Variants in SCAMP1 observed in about 807,000 individuals in gnomAD.
SCAMP1 encodes the protein secretory carrier membrane protein 1.
A neutral mutation model predicts 41.8 loss-of-function variants in SCAMP1; 15 were observed. That is an observed-to-expected ratio of 0.36 (90% CI 0.24 to 0.55). SCAMP1 has a LOEUF of 0.55. SCAMP1 is among the 20% of genes least tolerant of loss of function. SCAMP1 has a pLI of 0.86. For synonymous variants in SCAMP1, 135 were observed against 136.8 expected (o/e 0.99, Z 0.09); for missense variants, 341 against 412.6 (o/e 0.83, Z 1.50).
intron 6 of SCAMP1, among the ~76,000 whole-genome samples, chr5:78,443,757 C>A (rs1036939647): frequency 6.8e-6 from 1 of 146,388 alleles, no homozygotes; most frequent in Non-Finnish European, 1.5e-5. Context: ...TTTCCAGGCT[C>A]AAATGATCCT....
chr5:78,400,216 C>T (rs530404468), intron 2 of SCAMP1, among the ~76,000 whole-genome samples: 5 of 152,300 alleles, frequency 3.3e-5, no homozygotes, highest in Middle Eastern at 3.4e-3. Flanking sequence ...CCATTCTGTC[C>T]TGTTGGTCTG....
intron 6 of SCAMP1, among the ~76,000 whole-genome samples, chr5:78,441,225 C>T (rs1000854583): frequency 2.6e-5 from 4 of 152,170 alleles, no homozygotes; most frequent in Non-Finnish European, 5.9e-5. Flanking sequence ...CCAACCAGTC[C>T]CAGTGAGATG....
intron 6 of SCAMP1, among the ~76,000 whole-genome samples, chr5:78,424,815 T>C (rs1309342133): frequency 3.9e-5 from 6 of 152,188 alleles, no homozygotes; most frequent in African/African-American, 2.4e-5. Flanking sequence ...CATCAAAATA[T>C]TAGGTAATTA....
intron 6 of SCAMP1, among the ~76,000 whole-genome samples, chr5:78,423,582 A>T (rs545727042): frequency 6.6e-6 from 1 of 152,158 alleles, no homozygotes; most frequent in African/African-American, 2.4e-5. Flanking sequence ...AGACTAGGGA[A>T]TTTGGATTTT....
At chr5:78,439,587 G>T (rs1367536712) in intron 6 of SCAMP1, among the ~76,000 whole-genome samples, 1 of 152,216 alleles carries the variant, frequency 6.6e-6, no homozygotes, top group Non-Finnish European at 1.5e-5. Flanking sequence ...GAGATCTGCT[G>T]TTAGTCTGAT....
intron 6 of SCAMP1, among the ~76,000 whole-genome samples, chr5:78,429,792 G>A (rs376956469): frequency 1.3e-5 from 2 of 151,990 alleles, no homozygotes; most frequent in African/African-American, 4.8e-5. Context: ...ATTTTGAGAA[G>A]CGGATTTGTT....
intron 2 of SCAMP1, among the ~76,000 whole-genome samples, chr5:78,393,948 TG>T (rs1561258437): frequency 6.6e-6 from 1 of 152,140 alleles, no homozygotes; most frequent in Non-Finnish European, 1.5e-5. Context: ...CACCTGTGTG[TG>T]GGAGAAGTGC....
chr5:78,437,448 T>C (rs1006210870), intron 6 of SCAMP1, among the ~76,000 whole-genome samples: 6 of 152,256 alleles, frequency 3.9e-5, no homozygotes, highest in Non-Finnish European at 1.5e-5. Flanking sequence ...GTCAAAGGCC[T>C]TTTCTGCATC....
At chr5:78,369,910 C>A (rs1750901345) in intron 1 of SCAMP1, among the ~76,000 whole-genome samples, 1 of 152,188 alleles carries the variant, frequency 6.6e-6, no homozygotes, top group Admixed American at 6.5e-5. Context: ...CTGGCCTCAG[C>A]TGACTGATCT....
chr5:78,449,869 GT>G, intron 6 of SCAMP1, 63 bp from the exon 7 acceptor site: 1 of 836,874 alleles, frequency 1.2e-6, no homozygotes, highest in Non-Finnish European at 1.9e-6. Context: ...GAAAAATGAC[GT>G]TTTTCCCCTT....
chr5:78,469,565 T>C (rs2112250198), intron 8 of SCAMP1, among the ~76,000 whole-genome samples: 1 of 152,178 alleles, frequency 6.6e-6, no homozygotes, highest in Non-Finnish European at 1.5e-5. Flanking sequence ...AAATCTAGGT[T>C]ACTATAACTA....
At chr5:78,394,571 A>T (rs1751601896) in intron 2 of SCAMP1, among the ~76,000 whole-genome samples, 1 of 152,162 alleles carries the variant, frequency 6.6e-6, no homozygotes, top group African/African-American at 2.4e-5. Flanking sequence ...TAAAGCATCT[A>T]GCTGCAGGGG....
intron 2 of SCAMP1, among the ~76,000 whole-genome samples, chr5:78,409,769 A>T (rs1752025107): frequency 6.6e-6 from 1 of 152,116 alleles, no homozygotes; most frequent in Non-Finnish European, 1.5e-5. Flanking sequence ...CCCTACCTTC[A>T]TCCTTATCTA....
chr5:78,391,854 A>G (rs551205998), intron 2 of SCAMP1, among the ~76,000 whole-genome samples: 6 of 152,312 alleles, frequency 3.9e-5, no homozygotes, highest in African/African-American at 1.4e-4. Context: ...AAAAAATACA[A>G]AAACTGGTCA....
intron 7 of SCAMP1, among the ~76,000 whole-genome samples, chr5:78,456,325 G>T (rs1753399311): frequency 6.6e-6 from 1 of 151,932 alleles, no homozygotes; most frequent in Non-Finnish European, 1.5e-5. Flanking sequence ...GCTGGTACCG[G>T]TTGTTCTTTT....
chr5:78,446,597 A>G (rs1753057947), intron 6 of SCAMP1, among the ~76,000 whole-genome samples: 1 of 152,198 alleles, frequency 6.6e-6, no homozygotes, highest in Non-Finnish European at 1.5e-5. Flanking sequence ...AAAATAGTAA[A>G]AGAAAAATTA....
At chr5:78,370,603 T>G (rs34262593) in intron 1 of SCAMP1, 3 of 152,074 alleles carry the variant, frequency 2.0e-5, no homozygotes, top group African/African-American at 7.2e-5. Context: ...GTTGTTTCTG[T>G]TTTTTGTCTA....
In SCAMP1 at chr5:78,475,708, T is replaced by A; in HGVS notation, c.*40T>A. On this transcript the variant is annotated 3_prime_UTR_variant, in exon 9 of 9. Coordinates refer to ENST00000621999, the MANE Select transcript of SCAMP1 (RefSeq NM_004866.6). ...TACACTGTTACCTTTTGACTGTACC[T>A]TTTTCTCCAGTTACTGTATTCTACA... 7.3e-7 allele frequency: 1 copy of A among 1,377,512 alleles called. No individual in the cohort carries two copies. Among genetic ancestry groups the A allele is most frequent in the Non-Finnish European group, 9.6e-7 (1 of 1,041,144 alleles). The allele number at this position is 1,377,512 out of a possible 1,614,324, so 85.3% of individuals were successfully genotyped here.
intron 8 of SCAMP1, among the ~76,000 whole-genome samples, chr5:78,469,379 A>T (rs1262921367): frequency 1.3e-5 from 2 of 152,072 alleles, no homozygotes; most frequent in Non-Finnish European, 2.9e-5. Context: ...TAAGGGACAC[A>T]GATAGAGTAA....
Sources: gnomAD v4.1 joint callset for allele counts (sites outside exome capture counted in the v4.1 genomes callset) on GRCh38, gnomAD v4.1.1 for gene constraint, MANE v1.5 for transcripts, NCBI Gene and HGNC (gene_info 2026-07-23, HGNC 2026-07-21) for gene names.